CPN1: variants seen among roughly 807,000 people sequenced by gnomAD.
CPN1 encodes carboxypeptidase N catalytic chain.
In CPN1, 37 loss-of-function variants were observed where a neutral mutation model predicts 46.4. The observed-to-expected ratio is 0.80, with a 90% CI of 0.61 to 1.05. The LOEUF is 1.05. Among genes scored for constraint, CPN1 ranks in the 50% least tolerant of loss-of-function variants. The pLI, the probability that CPN1 is intolerant of heterozygous loss-of-function variation, is 0.00. For synonymous variants in CPN1, 224 were observed against 235.4 expected, an observed-to-expected ratio of 0.95 and a Z score of 0.44; for missense variants, 563 against 602.6, an observed-to-expected ratio of 0.93 and a Z score of 0.69.
At chr10:100,078,030 CTTTTTCT>C (rs1202401047) in intron 1 of CPN1, among the ~76,000 whole-genome samples, 2 of 151,972 alleles carry the variant, frequency 1.3e-5, no homozygotes, top group East Asian at 1.9e-4. Context: ...TTTGGCTCTC[CTTTTTCT>C]TTTTTCTTTT....
At chr10:100,045,220 G>A (rs2041301139) in intron 8 of CPN1, among the ~76,000 whole-genome samples, 1 of 152,164 alleles carries the variant, frequency 6.6e-6, no homozygotes, top group African/African-American at 2.4e-5. Context: ...TGAAAAGGGG[G>A]GCAAAATCCT....
At chr10:100,050,218 G>A (rs755974785) in intron 7 of CPN1, among the ~76,000 whole-genome samples, 3 of 152,156 alleles carry the variant, frequency 2.0e-5, no homozygotes, top group Admixed American at 1.3e-4. Context: ...GCCAGGCGTG[G>A]TGGCACATGC....
At chr10:100,049,572 T>G (rs574004665) in intron 7 of CPN1, among the ~76,000 whole-genome samples, 1 of 151,946 alleles carries the variant, frequency 6.6e-6, no homozygotes, top group African/African-American at 2.4e-5. Flanking sequence ...CGTCTTTTCT[T>G]TTTCAAAATA....
At chr10:100,045,062 T>C (rs1015234184) in intron 8 of CPN1, among the ~76,000 whole-genome samples, 1 of 152,170 alleles carries the variant, frequency 6.6e-6, no homozygotes, top group East Asian at 1.9e-4. Flanking sequence ...TGCTTTAGAC[T>C]GGGAAGGGAG....
At chr10:100,042,685 A>G in intron 8 of CPN1, 112 bp from the exon 9 acceptor site, 2 of 1,342,012 alleles carry the variant, frequency 1.5e-6, no homozygotes, top group Non-Finnish European at 2.1e-6. Flanking sequence ...GACCCAGAGA[A>G]GCACTGGTGG....
intron 8 of CPN1, among the ~76,000 whole-genome samples, chr10:100,044,966 C>T (rs1042829480): frequency 6.6e-6 from 1 of 152,224 alleles, no homozygotes; most frequent in Admixed American, 6.5e-5. Flanking sequence ...CTGCCTCAGC[C>T]TCCTGAAGTG....
chr10:100,057,218 C>T, intron 5 of CPN1, 66 bp from the exon 6 acceptor site: 3 of 1,529,852 alleles, frequency 2.0e-6, no homozygotes, highest in South Asian at 1.2e-5. Context: ...CATCTCATCT[C>T]TCTCTCTCTC....
intron 3 of CPN1, 161 bp from the exon 4 acceptor site, chr10:100,065,531 A>C (rs2041450122): frequency 1.4e-6 from 1 of 735,800 alleles, no homozygotes; most frequent in Non-Finnish European, 2.2e-6. Context: ...GGAAATGTTG[A>C]CCTTTGGAAT....
At chr10:100,044,529 C>T (rs1422370009) in intron 8 of CPN1, among the ~76,000 whole-genome samples, 1 of 151,996 alleles carries the variant, frequency 6.6e-6, no homozygotes, top group Non-Finnish European at 1.5e-5. Context: ...TGCATGACAC[C>T]ATGCCCGGCT....
chr10:100,068,406 G>T (rs997516115), intron 3 of CPN1, among the ~76,000 whole-genome samples: 3 of 151,882 alleles, frequency 2.0e-5, no homozygotes, highest in East Asian at 3.9e-4. Context: ...GTAGAGATGG[G>T]GTTTCACCAT....
chr10:100,063,624 A>C lies in CPN1; in HGVS notation c.861T>G (p.Ser287=). The C allele has an allele frequency of 6.2e-7, 1 of 1,612,920 alleles. No individual in the cohort carries two copies. Among genetic ancestry groups the C allele is most frequent in the Non-Finnish European group, 8.5e-7 (1 of 1,178,960 alleles). Residue 287 remains serine, a synonymous_variant, in exon 5 of 9, where the codon TCT becomes TCG. Coordinates refer to ENST00000370418, the MANE Select transcript of CPN1 (RefSeq NM_001308.3). ...CAGGACTCCCCTTACCCTTGCTGAG[A>C]GAATACCAGGAAGCCCCATTGGTGA... ...DGITNGASWY[S]LSKGMQDFNY... is the part of the protein sequence containing the mutation.
chr10:100,043,110 GA>G (rs1392890416), intron 8 of CPN1, among the ~76,000 whole-genome samples: 14 of 125,548 alleles, frequency 1.1e-4, no homozygotes, highest in African/African-American at 4.4e-4. Flanking sequence ...AAAAAAAAAA[GA>G]AAAAAATTAG....
At chr10:100,072,847 T>C (rs909592773) in intron 2 of CPN1, among the ~76,000 whole-genome samples, 2 of 152,190 alleles carry the variant, frequency 1.3e-5, no homozygotes, top group African/African-American at 4.8e-5. Context: ...AATAGAGATA[T>C]GTTAAAAGGC....
intron 1 of CPN1, 106 bp from the exon 2 acceptor site, chr10:100,076,213 A>C: frequency 9.1e-7 from 1 of 1,093,562 alleles, no homozygotes; most frequent in African/African-American, 1.5e-5. Flanking sequence ...AGAAAATCTC[A>C]TGCTTTCATT....
chr10:100,058,950 T>C (rs2041401207), intron 5 of CPN1, among the ~76,000 whole-genome samples: 1 of 152,202 alleles, frequency 6.6e-6, no homozygotes, highest in Non-Finnish European at 1.5e-5. Context: ...GACAGTCATG[T>C]CAACAAATGG....
intron 6 of CPN1, among the ~76,000 whole-genome samples, chr10:100,055,352 C>A (rs138510644): frequency 0.014 from 2,127 of 151,564 alleles, 34 homozygotes; most frequent in African/African-American, 0.04. Context: ...TCCATTATCC[C>A]CCCCCCCAGC....
At chr10:100,046,426 T>C (rs972915366) in intron 8 of CPN1, among the ~76,000 whole-genome samples, 1 of 152,102 alleles carries the variant, frequency 6.6e-6, no homozygotes, top group Non-Finnish European at 1.5e-5. Context: ...GAGCCATGAC[T>C]GTACCACTGC....
intron 2 of CPN1, among the ~76,000 whole-genome samples, chr10:100,073,906 C>T (rs139258904): frequency 5.3e-5 from 8 of 152,138 alleles, no homozygotes; most frequent in African/African-American, 1.4e-4. Flanking sequence ...TGAGCCACGG[C>T]GCCCAGCCAA....
chr10:100,076,127 T>A lies in CPN1; in HGVS notation c.224-20A>T. 6.2e-7 allele frequency: 1 copy of A among 1,613,706 alleles called. No individual in the cohort carries two copies. The highest frequency in any genetic ancestry group is 8.5e-7 in the Non-Finnish European group (1 of 1,179,632). On this transcript the variant is annotated intron_variant, in intron 1 of 8. Coordinates refer to ENST00000370418, the MANE Select transcript of CPN1 (RefSeq NM_001308.3). ...GTTCCACTGCAAGGAAGAGAAAAGA[T>A]GGGGGAAGCTTGGAAGTGTCATTGA...
Sources: allele counts gnomAD v4.1 joint callset (sites outside exome capture counted in the v4.1 genomes callset), GRCh38; gene constraint gnomAD v4.1.1; transcripts MANE v1.5; gene names NCBI Gene and HGNC (gene_info 2026-07-23, HGNC 2026-07-21).